ANKFY1: variants seen among roughly 807,000 people sequenced by gnomAD.
ANKFY1 encodes the protein ankyrin repeat and FYVE domain-containing protein 1.
In ANKFY1, 47 loss-of-function variants were observed where a neutral mutation model predicts 128.3. The observed-to-expected ratio is 0.37, with a 90% CI of 0.29 to 0.47. ANKFY1 has a LOEUF of 0.47. Among genes scored for constraint, ANKFY1 ranks in the 20% least tolerant of loss-of-function variants. ANKFY1 has a pLI of 1.00. For missense variants in ANKFY1, 1,222 were observed against 1,510.6 expected, an observed-to-expected ratio of 0.81 and a Z score of 3.17; for synonymous variants, 553 against 601.6, an observed-to-expected ratio of 0.92 and a Z score of 1.18.
chr17:4,230,488 G>A (rs1006077157), intron 3 of ANKFY1, among the ~76,000 whole-genome samples: 4 of 152,164 alleles, frequency 2.6e-5, no homozygotes, highest in Admixed American at 6.6e-5. Context: ...AGATCATTTT[G>A]CTAGAAGCAA....
chr17:4,179,899 T>G (rs373242474), intron 16 of ANKFY1, 22 bp from the exon 17 acceptor site: 1 of 1,613,210 alleles, frequency 6.2e-7, no homozygotes, highest in Middle Eastern at 1.7e-4. Flanking sequence ...GGGGACATTT[T>G]AAAAAACGCC....
chr17:4,258,802 T>A (rs968324527), intron 1 of ANKFY1, among the ~76,000 whole-genome samples: 5 of 152,182 alleles, frequency 3.3e-5, no homozygotes, highest in Admixed American at 2.6e-4. Context: ...ATTGTGTTGG[T>A]CAATGAATAC....
chr17:4,198,661 C>T (rs141005113), intron 7 of ANKFY1, among the ~76,000 whole-genome samples: 1 of 152,054 alleles, frequency 6.6e-6, no homozygotes, highest in African/African-American at 2.4e-5. Context: ...TGTGAGCCAC[C>T]GTGCCCGGCC....
chr17:4,262,459 G>A lies in ANKFY1; in HGVS notation c.10+1473C>T, dbSNP rs144940711. Among the ~76,000 whole-genome samples, 418 of 152,116 alleles carry A rather than the reference G, an allele frequency of 2.7e-3. 1 individual carries two copies. The highest frequency in any genetic ancestry group is 9.5e-3 in the African/African-American group (394 of 41,516). ...GTATTTTTTGTAGATACGAGGTTTC[G>A]CCATGTTGCCCAGGCTGCTCTTGAA... On this transcript the variant is annotated intron_variant, in intron 1 of 24. Coordinates refer to ENST00000341657, the MANE Select transcript of ANKFY1 (RefSeq NM_001330063.2).
intron 1 of ANKFY1, among the ~76,000 whole-genome samples, chr17:4,251,600 T>A (rs1245626937): frequency 6.8e-6 from 1 of 147,334 alleles, no homozygotes; most frequent in Non-Finnish European, 1.5e-5. Flanking sequence ...CTTAGTGACC[T>A]CAGATTAAAC....
intron 7 of ANKFY1, among the ~76,000 whole-genome samples, chr17:4,204,970 G>C (rs1445172117): frequency 1.3e-5 from 2 of 152,170 alleles, no homozygotes. Flanking sequence ...CCAGCACATG[G>C]CTTATAAGGA....
At chr17:4,228,424 T>C (rs897843226) in intron 3 of ANKFY1, among the ~76,000 whole-genome samples, 21 of 151,810 alleles carry the variant, frequency 1.4e-4, no homozygotes, top group Admixed American at 2.0e-4. Flanking sequence ...TTAGTTTTTT[T>C]TTTTTTTCTT....
intron 3 of ANKFY1, chr17:4,223,892 A>C: frequency 2.9e-6 from 2 of 693,510 alleles, no homozygotes; most frequent in South Asian, 1.9e-5. Flanking sequence ...TTTGTATCTA[A>C]CACCACGCCA....
chr17:4,250,658 A>G (rs1379364986), intron 1 of ANKFY1, among the ~76,000 whole-genome samples: 4 of 117,630 alleles, frequency 3.4e-5, no homozygotes, highest in Non-Finnish European at 3.6e-5. Context: ...GTAGAATTTG[A>G]AAGAATGATT....
chr17:4,222,615 T>G, intron 3 of ANKFY1: 1 of 1,084,748 alleles, frequency 9.2e-7, no homozygotes, highest in Non-Finnish European at 1.4e-6. Flanking sequence ...CAGTCAATTC[T>G]TCAAAGAATT....
chr17:4,248,608 C>T (rs1967682720), intron 1 of ANKFY1, among the ~76,000 whole-genome samples: 1 of 152,182 alleles, frequency 6.6e-6, no homozygotes, highest in Non-Finnish European at 1.5e-5. Context: ...ATCAAGTGAC[C>T]AGTTTTCAGC....
At chr17:4,175,557 T>A (rs913220180) in intron 19 of ANKFY1, among the ~76,000 whole-genome samples, 1 of 152,282 alleles carries the variant, frequency 6.6e-6, no homozygotes, top group East Asian at 1.9e-4. Flanking sequence ...CACCCCTGGT[T>A]CCTCCGTGTG....
chr17:4,224,118 T>G (rs752665735), intron 3 of ANKFY1, among the ~76,000 whole-genome samples: 1 of 152,168 alleles, frequency 6.6e-6, no homozygotes, highest in Non-Finnish European at 1.5e-5. Flanking sequence ...TTTTTAAAAT[T>G]GTTCAGACAC....
At chr17:4,180,299 G>C (rs1031592672) in intron 16 of ANKFY1, 1 of 166,244 alleles carries the variant, frequency 6.0e-6, no homozygotes, top group Non-Finnish European at 1.3e-5. Context: ...GTGGTGGTGC[G>C]CGCCCATCCC....
In ANKFY1 at chr17:4,225,343, C is replaced by T. The variant is rs1219464350; in HGVS notation, c.323-8225G>A. ...GTGCACTCTAGCCTGGGGGACAGAG[C>T]GAGATTCTGTCTCAAAAAGAAAAGT... On this transcript the variant is annotated intron_variant, in intron 3 of 24. Coordinates refer to ENST00000341657, the MANE Select transcript of ANKFY1 (RefSeq NM_001330063.2). Among the ~76,000 whole-genome samples the T allele has an allele frequency of 3.9e-5, 6 of 151,956 alleles. No homozygotes were observed. The East Asian group carries it at 5.8e-4, about 15-fold the overall frequency.
At position 4,179,041 on chromosome 17, in the gene ANKFY1, G is replaced by T. The variant is rs761787701; in HGVS notation, c.2414C>A (p.Thr805Asn). Residue 805 changes from threonine (T) to asparagine (N), a missense_variant, in exon 18 of 25, where the codon ACC (threonine) becomes AAC (asparagine). Thr to Asn is a moderately conservative substitution (Grantham distance 65, BLOSUM62 0). Transcript: ENST00000341657. ...NVNAQDAEGR[T>N]PIHVAISSQH... ...GCTGCTGATGGCCACGTGGATGGGGGTTCTTCCTTCTGCATCCTATGGAAC... is the reference window on the plus strand; with the variant it reads ...GCTGCTGATGGCCACGTGGATGGGGTTTCTTCCTTCTGCATCCTATGGAAC... The T allele has an allele frequency of 2.5e-6, 4 of 1,614,040 alleles. No homozygotes were observed. The highest frequency in any genetic ancestry group is 1.7e-5 in the Admixed American group (1 of 60,006).
chr17:4,172,498 T>A, intron 22 of ANKFY1, 58 bp downstream of exon 22: 1 of 1,585,354 alleles, frequency 6.3e-7, no homozygotes, highest in Non-Finnish European at 8.6e-7. Flanking sequence ...GGGCTCTTGC[T>A]TTTCCAGGAA....
rs188247116 is a variant in ANKFY1, at chr17:4,230,707, C to T, written c.322+5065G>A. ...TATGACATGTTTTGATATATGTATG[C>T]ACTATGAAATGGTTATAAGCTAATT... On this transcript the variant is annotated intron_variant, in intron 3 of 24. Coordinates refer to ENST00000341657, the MANE Select transcript of ANKFY1 (RefSeq NM_001330063.2). Among the ~76,000 whole-genome samples, 63 of 152,156 alleles carry T rather than the reference C, an allele frequency of 4.1e-4. No homozygotes were observed. The East Asian group carries it at 0.012, about 29-fold the overall frequency.
intron 10 of ANKFY1, among the ~76,000 whole-genome samples, chr17:4,193,702 C>A (rs1430546915): frequency 6.6e-6 from 1 of 151,216 alleles, no homozygotes; most frequent in East Asian, 2.0e-4. Flanking sequence ...CTGGGATTAA[C>A]AGGCGTGAGC....
Sources: allele counts gnomAD v4.1 joint callset (sites outside exome capture counted in the v4.1 genomes callset), GRCh38; gene constraint gnomAD v4.1.1; transcripts MANE v1.5; gene names NCBI Gene and HGNC (gene_info 2026-07-23, HGNC 2026-07-21).